Variants in KREMEN1 observed in about 807,000 individuals in gnomAD.
The protein encoded by KREMEN1 is kremen protein 1.
KREMEN1 carries 30 observed loss-of-function variants against 46.5 expected under a neutral mutation model. The ratio of observed to expected loss-of-function variants is 0.65; its 90% CI spans 0.48 to 0.88. KREMEN1 has a LOEUF of 0.88. Ranked by LOEUF, KREMEN1 falls within the 40% of genes least tolerant of loss-of-function variation. The pLI, the probability that KREMEN1 is intolerant of heterozygous loss-of-function variation, is 0.00. For synonymous variants in KREMEN1, 214 were observed against 230.6 expected, an observed-to-expected ratio of 0.93 and a Z score of 0.65; for missense variants, 533 against 596.9, an observed-to-expected ratio of 0.89 and a Z score of 1.11.
chr22:29,144,211 GCCTGCTGGGGCT>G lies in KREMEN1; in HGVS notation c.*2103_*2114del. 1.0e-6 allele frequency: 1 copy of G among 985,574 alleles called. No homozygotes were observed. Among genetic ancestry groups the G allele is most frequent in the East Asian group, 1.1e-4 (1 of 8,812 alleles). The allele number at this position is 985,574 out of a possible 1,614,324, so 61.1% of individuals were successfully genotyped here. ...TACCTCCCCCAAGCCCTGAGCCACT[GCCTGCTGGGGCT>G]CCTACTGAGGTTCTGGAAACACCTC... On this transcript the variant is annotated 3_prime_UTR_variant, in exon 9 of 9. Coordinates refer to ENST00000400335, the MANE Select transcript of KREMEN1 (RefSeq NM_001039570.3).
chr22:29,157,313 G>C (rs1411667857), intron 9 of KREMEN1, among the ~76,000 whole-genome samples: 2 of 152,160 alleles, frequency 1.3e-5, no homozygotes, highest in South Asian at 2.1e-4. Context: ...AGCAGAATTC[G>C]TGTCCAAGGC....
intron 1 of KREMEN1, among the ~76,000 whole-genome samples, chr22:29,081,130 C>A (rs2145738084): frequency 6.6e-6 from 1 of 152,018 alleles, no homozygotes; most frequent in Admixed American, 6.5e-5. Context: ...CTAATGCTAT[C>A]CCTCCCCACT....
intron 9 of KREMEN1, among the ~76,000 whole-genome samples, chr22:29,157,821 A>G (rs2038976840): frequency 6.6e-6 from 1 of 152,258 alleles, no homozygotes; most frequent in Admixed American, 6.5e-5. Context: ...GGGAGACTAC[A>G]AAGTAAGAAG....
intron 5 of KREMEN1, among the ~76,000 whole-genome samples, chr22:29,134,618 T>A (rs114215124): frequency 6.6e-6 from 1 of 152,170 alleles, no homozygotes; most frequent in African/African-American, 2.4e-5. Flanking sequence ...GAATGCCATA[T>A]GCTATGTATA....
Position 29,119,956 on chromosome 22 carries a change from G to A in KREMEN1, c.353-1401G>A, listed in dbSNP as rs967279310. On this transcript the variant is annotated intron_variant, in intron 3 of 8. Transcript: ENST00000400335. ...TCACAGGGTCCTTAGAGAGGCAGGA[G>A]GATCTGAGTCAGAGAAGACAGATGT... Among the ~76,000 whole-genome samples the A allele has an allele frequency of 1.1e-4, 17 of 152,310 alleles. 1 individual carries two copies. The highest frequency in any genetic ancestry group is 8.5e-4 in the Admixed American group (13 of 15,300).
intron 5 of KREMEN1, among the ~76,000 whole-genome samples, chr22:29,131,592 G>GTA (rs1352192940): frequency 1.3e-4 from 17 of 129,064 alleles, no homozygotes; most frequent in African/African-American, 5.7e-4. Flanking sequence ...GTGTGTGTGT[G>GTA]TGTATATGTA....
At chr22:29,148,401 A>G (rs572227536), downstream of KREMEN1, among the ~76,000 whole-genome samples, 7 of 152,072 alleles carry the variant, frequency 4.6e-5, no homozygotes, top group African/African-American at 1.7e-4. Flanking sequence ...CAGGAGTAGG[A>G]CAGGAGACAA....
rs551324150 is a variant in KREMEN1, at chr22:29,160,624, A to G, written c.1417-6420A>G. On this transcript the variant is annotated intron_variant, in intron 9 of 9. Transcript: ENST00000327813. ...AAATTAAATGACTTGCTCCTGAATGATTTTGGGGGTAAACAACAAAATAAA... is the reference window on the plus strand; with the variant it reads ...AAATTAAATGACTTGCTCCTGAATGGTTTTGGGGGTAAACAACAAAATAAA... Among the ~76,000 whole-genome samples, 20 of 152,122 alleles carry G rather than the reference A, an allele frequency of 1.3e-4. No individual in the cohort carries two copies. In the South Asian group the frequency reaches 3.9e-3, roughly 30 times the overall value.
Position 29,158,644 on chromosome 22 carries a change from G to A in KREMEN1, c.1417-8400G>A, listed in dbSNP as rs111695364. Among the ~76,000 whole-genome samples the A allele has an allele frequency of 2.1e-3, 325 of 152,194 alleles. 3 individuals carry two copies. Among genetic ancestry groups the A allele is most frequent in the Middle Eastern group, 0.01 (3 of 294 alleles). On this transcript the variant is annotated intron_variant, in intron 9 of 9. Coordinates refer to the KREMEN1 transcript ENST00000327813. ...GCCCCATATTTTTATTTTGCACTGG[G>A]CCTCACAAATTACAAAGTCAGTCCT...
rs889721850 is a variant in KREMEN1, at chr22:29,142,948, G to A, written c.*836G>A. 1 of 778,524 alleles carries A rather than the reference G, an allele frequency of 1.3e-6. No individual in the cohort carries two copies. Among genetic ancestry groups the A allele is most frequent in the Non-Finnish European group, 1.6e-6 (1 of 641,440 alleles). The allele number at this position is 778,524 out of a possible 1,614,324, so 48.2% of individuals were successfully genotyped here. A position where few individuals can be genotyped will look rare whatever the true frequency, so the allele number is the denominator to read the frequency against. On this transcript the variant is annotated 3_prime_UTR_variant, in exon 9 of 9. Transcript: ENST00000400335. ...GCAGATCACCTGAGGTCAGGAGTTC[G>A]AGACCAGCCTGGCCAACATGGTGAA...
chr22:29,160,375 A>G (rs34734519), intron 9 of KREMEN1, among the ~76,000 whole-genome samples: 3,719 of 32,172 alleles, frequency 0.12, 68 homozygotes, highest in African/African-American at 0.14. Context: ...AACTAAAAAT[A>G]CAAAAAAAAA....
intron 3 of KREMEN1, among the ~76,000 whole-genome samples, chr22:29,119,268 G>A (rs2038293443): frequency 6.6e-6 from 1 of 152,208 alleles, no homozygotes; most frequent in African/African-American, 2.4e-5. Flanking sequence ...GAAGGATCCT[G>A]TACACAGGAG....
At chr22:29,110,984 G>A (rs2038137899) in intron 3 of KREMEN1, among the ~76,000 whole-genome samples, 1 of 152,194 alleles carries the variant, frequency 6.6e-6, no homozygotes, top group Non-Finnish European at 1.5e-5. Context: ...AGCTACTGAG[G>A]CACCAGTGTG....
At chr22:29,140,633 A>C (rs981289828) in intron 8 of KREMEN1, among the ~76,000 whole-genome samples, 3 of 151,974 alleles carry the variant, frequency 2.0e-5, no homozygotes, top group Admixed American at 1.3e-4. Context: ...TCCTGGCTTA[A>C]AAAGCAAATG....
At chr22:29,108,444 A>G (rs2038094657) in intron 3 of KREMEN1, among the ~76,000 whole-genome samples, 2 of 152,194 alleles carry the variant, frequency 1.3e-5, no homozygotes, top group Admixed American at 6.5e-5. Context: ...TTTAGGCACA[A>G]TGACTCTCAG....
chr22:29,099,895 C>T (rs1175781974), intron 3 of KREMEN1, among the ~76,000 whole-genome samples: 1 of 152,006 alleles, frequency 6.6e-6, no homozygotes. Flanking sequence ...CAATAGGATA[C>T]CCTGACCCTC....
At chr22:29,128,659 C>T (rs555935244) in intron 5 of KREMEN1, among the ~76,000 whole-genome samples, 1 of 152,206 alleles carries the variant, frequency 6.6e-6, no homozygotes, top group African/African-American at 2.4e-5. Flanking sequence ...ATTATAACAA[C>T]AATTATTGCT....
At chr22:29,159,941 C>T (rs187972621) in intron 9 of KREMEN1, among the ~76,000 whole-genome samples, 1 of 151,966 alleles carries the variant, frequency 6.6e-6, no homozygotes, top group Admixed American at 6.6e-5. Flanking sequence ...GTCTCTTAGC[C>T]CCATAATAGT....
At chr22:29,167,134 A>G (rs2039059364) in exon 10 of KREMEN1, 1 of 1,542,276 alleles carries the variant, frequency 6.5e-7, no homozygotes, top group Non-Finnish European at 8.8e-7. Flanking sequence ...CTCCGTGGGC[A>G]TATCTGGGTG....
Sources: allele counts gnomAD v4.1 joint callset (sites outside exome capture counted in the v4.1 genomes callset), GRCh38; gene constraint gnomAD v4.1.1; transcripts MANE v1.5; gene names NCBI Gene and HGNC (gene_info 2026-07-23, HGNC 2026-07-21).